The following CLEC4A variants were observed in gnomAD, a reference collection of about 807,000 sequenced individuals.
CLEC4A encodes C-type lectin domain family 4 member A.
In CLEC4A, 27 loss-of-function variants were observed where a neutral mutation model predicts 32.7. That is an observed-to-expected ratio of 0.83 (90% CI 0.61 to 1.14). The LOEUF (loss-of-function observed/expected upper bound fraction) is 1.14. CLEC4A is among the 50% of genes most tolerant of loss of function. The pLI is 0.00. For missense variants in CLEC4A, 253 were observed against 274.6 expected (o/e 0.92, Z 0.55); for synonymous variants, 89 against 93.7 (o/e 0.95, Z 0.29).
At chr12:8,113,426 T>G in the CLEC4A span, among the ~76,000 whole-genome samples, 3 of 152,176 alleles carry the variant, frequency 2.0e-5, no homozygotes, top group Admixed American at 6.5e-5. Context: ...GGCTTTCTGC[T>G]TAGGTGATTG....
At chr12:8,137,330 G>C (rs1258516259) in intron 5 of CLEC4A, among the ~76,000 whole-genome samples, 5 of 152,024 alleles carry the variant, frequency 3.3e-5, no homozygotes, top group Admixed American at 6.5e-5. Context: ...CCAGGCTGGA[G>C]TGCAGTGGTG....
At chr12:8,134,867 C>T in intron 3 of CLEC4A, 1 of 1,516,568 alleles carries the variant, frequency 6.6e-7, no homozygotes. Flanking sequence ...AGGAAGGCGC[C>T]CCAAGCATGG....
chr12:8,115,349 C>T, the CLEC4A span, among the ~76,000 whole-genome samples: 1 of 152,056 alleles, frequency 6.6e-6, no homozygotes, highest in Non-Finnish European at 1.5e-5. Context: ...ATTTTTGGGC[C>T]CCATTCTCAA....
At chr12:8,129,125 G>C in intron 2 of CLEC4A, 139 bp from the exon 3 acceptor site, 1 of 587,184 alleles carries the variant, frequency 1.7e-6, no homozygotes, top group South Asian at 2.1e-5. Context: ...TATAGTTTCA[G>C]TATGGGAAAT....
chr12:8,105,168 T>C, the CLEC4A span, among the ~76,000 whole-genome samples: 1,275 of 152,278 alleles, frequency 8.4e-3, 23 homozygotes, highest in African/African-American at 0.029. Context: ...CTTTCTACAA[T>C]GGCTGAACTA....
Position 8,134,979 on chromosome 12 carries a change from G to GTTTGTTTTT in CLEC4A, c.299-603_299-602insGTTTTTTTT, listed in dbSNP as rs1948073595. On this transcript the variant is annotated intron_variant, in intron 3 of 5. Transcript: ENST00000229332. ...TGTATCTTCTTGTTGAAGCGTTTTTGTTTTTTGTTTTTTTTTAATCATGGC... is the reference window on the plus strand; with the variant it reads ...TGTATCTTCTTGTTGAAGCGTTTTTGTTTGTTTTTTTTTTTGTTTTTTTTTAATCATGGC... 4.3e-4 allele frequency: 71 copies of GTTTGTTTTT among 165,928 alleles called. 1 individual carries two copies. The highest frequency in any genetic ancestry group is 3.8e-3 in the Middle Eastern group (2 of 528). 10.3% of individuals were successfully genotyped at this position (165,928 alleles called of 1,614,324 possible).
intron 3 of CLEC4A, chr12:8,134,627 G>T (rs1424922152): frequency 6.2e-7 from 1 of 1,609,840 alleles, no homozygotes; most frequent in East Asian, 2.2e-5. Context: ...GAGGCCCACA[G>T]TACGCCATCC....
At chr12:8,113,401 C>T in the CLEC4A span, among the ~76,000 whole-genome samples, 1 of 152,148 alleles carries the variant, frequency 6.6e-6, no homozygotes. Context: ...CAATTGTTGA[C>T]ATTTTGACAA....
At chr12:8,113,228 G>C in the CLEC4A span, among the ~76,000 whole-genome samples, 1 of 148,848 alleles carries the variant, frequency 6.7e-6, no homozygotes, top group South Asian at 2.1e-4. Flanking sequence ...TTGGTTTTTT[G>C]TCCTTGCGAT....
chr12:8,106,602 T>TA, the CLEC4A span, among the ~76,000 whole-genome samples: 1 of 152,216 alleles, frequency 6.6e-6, no homozygotes. Context: ...AGAGATCTTT[T>TA]ACCTCCCTGG....
chr12:8,134,971 GC>G, intron 3 of CLEC4A: 2 of 232,666 alleles, frequency 8.6e-6, no homozygotes, highest in Non-Finnish European at 1.2e-5. Flanking sequence ...TCTTGTTGAA[GC>G]GTTTTTGTTT....
the CLEC4A span, among the ~76,000 whole-genome samples, chr12:8,114,354 C>T: frequency 3.3e-5 from 5 of 152,096 alleles, no homozygotes; most frequent in East Asian, 7.7e-4. Context: ...ACGCCATTCT[C>T]CTGCCTCAGC....
At chr12:8,135,828 T>G in intron 4 of CLEC4A, 92 bp downstream of exon 4, 2 of 1,356,630 alleles carry the variant, frequency 1.5e-6, no homozygotes, top group Non-Finnish European at 1.0e-6. Context: ...CTTTGGGATA[T>G]TTGCGCTGTG....
the CLEC4A span, among the ~76,000 whole-genome samples, chr12:8,103,373 G>GTTTTTTTTTTTTTTT: frequency 3.2e-3 from 253 of 78,002 alleles, 52 homozygotes; most frequent in South Asian, 5.1e-3. Flanking sequence ...GTTTCTTTCT[G>GTTTTTTTTTTTTTTT]TTGTTTTTTT....
At chr12:8,108,244 G>T in the CLEC4A span, among the ~76,000 whole-genome samples, 1 of 152,134 alleles carries the variant, frequency 6.6e-6, no homozygotes, top group African/African-American at 2.4e-5. Context: ...CAATATGAGA[G>T]AACCAAGTAA....
rs1314610896 is a variant in CLEC4A, at chr12:8,138,367, T to C, written c.*80T>C. ...AGATAATAAGCTCTTCTTATTCATG[T>C]GTAAGGGAGGTCCATAGAATTTAGG... On this transcript the variant is annotated 3_prime_UTR_variant, in exon 6 of 6. Coordinates refer to ENST00000229332, the MANE Select transcript of CLEC4A (RefSeq NM_016184.4). 2 of 1,529,820 alleles carry C rather than the reference T, an allele frequency of 1.3e-6. No homozygotes were observed. The highest frequency in any genetic ancestry group is 4.5e-5 in the East Asian group (2 of 44,248). The allele number at this position is 1,529,820 out of a possible 1,614,324, so 94.8% of individuals were successfully genotyped here.
At chr12:8,118,601 A>G in the CLEC4A span, among the ~76,000 whole-genome samples, 1 of 152,196 alleles carries the variant, frequency 6.6e-6, no homozygotes, top group Non-Finnish European at 1.5e-5. Flanking sequence ...GTGAGGTGCC[A>G]CACACTTTTA....
chr12:8,116,290 T>C, the CLEC4A span, among the ~76,000 whole-genome samples: 9 of 152,000 alleles, frequency 5.9e-5, 1 homozygote, highest in African/African-American at 2.2e-4. Context: ...TTTGTAGAAG[T>C]GGGGTTTCAC....
intron 3 of CLEC4A, chr12:8,134,995 T>TTTTTTTTTTTTTTTTTTTTTC (rs1948081176): frequency 4.4e-6 from 1 of 226,264 alleles, no homozygotes; most frequent in African/African-American, 3.2e-5. Context: ...TGTTTTTTTT[T>TTTTTTTTTTTTTTTTTTTTTC]AATCATGGCT....
Sources: allele counts gnomAD v4.1 joint callset (sites outside exome capture counted in the v4.1 genomes callset), GRCh38; gene constraint gnomAD v4.1.1; transcripts MANE v1.5; gene names NCBI Gene and HGNC (gene_info 2026-07-23, HGNC 2026-07-21).